The following SPIDR variants were observed in gnomAD, a reference collection of about 807,000 sequenced individuals.
SPIDR encodes the protein DNA repair-scaffolding protein.
A neutral mutation model predicts 104.6 loss-of-function variants in SPIDR; 93 were observed. That is an observed-to-expected ratio of 0.89 (90% confidence interval 0.75 to 1.06). The LOEUF is 1.06. SPIDR is among the 50% of genes least tolerant of loss of function. SPIDR has a pLI of 0.00. For synonymous variants in SPIDR, 431 were observed against 416.9 expected, an observed-to-expected ratio of 1.03 and a Z score of -0.41; for missense variants, 1,154 against 1,111.2, an observed-to-expected ratio of 1.04 and a Z score of -0.55.
chr8:47,645,745 A>G (rs1009621101), intron 10 of SPIDR, among the ~76,000 whole-genome samples: 1 of 152,200 alleles, frequency 6.6e-6, no homozygotes, highest in Non-Finnish European at 1.5e-5. Context: ...TTTCAAATCA[A>G]TAGGGAAAGA....
In SPIDR at chr8:47,735,671, G is replaced by T; in HGVS notation, c.*221G>T. The T allele has an allele frequency of 1.0e-6, 1 of 982,980 alleles. No homozygotes were observed. The highest frequency in any genetic ancestry group is 1.4e-6 in the Non-Finnish European group (1 of 692,946). The allele number at this position is 982,980 out of a possible 1,614,324, so 60.9% of individuals were successfully genotyped here. On this transcript the variant is annotated 3_prime_UTR_variant, in exon 20 of 20. Coordinates refer to ENST00000297423, the MANE Select transcript of SPIDR (RefSeq NM_001080394.4). ...TTATCTTTTATTTTCTGCAAATTTA[G>T]GAACATATTTACTCGTTTTCACATT...
intron 7 of SPIDR, among the ~76,000 whole-genome samples, chr8:47,428,645 C>A (rs914427555): frequency 6.6e-6 from 1 of 151,966 alleles, no homozygotes; most frequent in Non-Finnish European, 1.5e-5. Flanking sequence ...TTAAGAAATG[C>A]GAATAACACG....
chr8:47,354,285 G>A (rs2054101840), intron 5 of SPIDR, among the ~76,000 whole-genome samples: 1 of 151,518 alleles, frequency 6.6e-6, no homozygotes, highest in African/African-American at 2.4e-5. Context: ...TCATGTTTAT[G>A]TATTTTATTC....
At chr8:47,475,187 G>A (rs2076141526) in intron 8 of SPIDR, among the ~76,000 whole-genome samples, 1 of 152,190 alleles carries the variant, frequency 6.6e-6, no homozygotes, top group African/African-American at 2.4e-5. Flanking sequence ...GAAGATGAAT[G>A]TAGCTGAGTT....
intron 12 of SPIDR, 118 bp from the exon 13 acceptor site, chr8:47,701,603 A>G: frequency 1.0e-6 from 1 of 958,968 alleles, no homozygotes. Context: ...AGCATTCCAG[A>G]GAGAGGATGC....
intron 5 of SPIDR, among the ~76,000 whole-genome samples, chr8:47,393,986 C>T (rs1025962696): frequency 1.3e-5 from 2 of 151,910 alleles, no homozygotes; most frequent in Non-Finnish European, 2.9e-5. Flanking sequence ...CTCACTGCAA[C>T]CTCCACCTCC....
intron 7 of SPIDR, among the ~76,000 whole-genome samples, chr8:47,408,242 C>T (rs2063025804): frequency 6.6e-6 from 1 of 152,076 alleles, no homozygotes; most frequent in Non-Finnish European, 1.5e-5. Flanking sequence ...ATTAAGAGCA[C>T]TCTACCCTCT....
chr8:47,438,285 T>A (rs1336672460), intron 7 of SPIDR, among the ~76,000 whole-genome samples: 50 of 152,220 alleles, frequency 3.3e-4, no homozygotes, highest in Admixed American at 3.3e-3. Flanking sequence ...TGTGCATTGC[T>A]GGGAATGAGC....
intron 8 of SPIDR, among the ~76,000 whole-genome samples, chr8:47,561,269 C>A (rs1166767707): frequency 6.6e-6 from 1 of 152,196 alleles, no homozygotes; most frequent in East Asian, 1.9e-4. Context: ...AAAAGTATTT[C>A]TCAATTAGAG....
chr8:47,538,175 A>C (rs2087298713), intron 8 of SPIDR, among the ~76,000 whole-genome samples: 2 of 152,180 alleles, frequency 1.3e-5, no homozygotes, highest in Admixed American at 1.3e-4. Context: ...ACTCCGTCTC[A>C]AAATAAAAAT....
intron 8 of SPIDR, among the ~76,000 whole-genome samples, chr8:47,446,838 G>T (rs1038511856): frequency 6.6e-6 from 1 of 152,102 alleles, no homozygotes; most frequent in Non-Finnish European, 1.5e-5. Flanking sequence ...ACCCACTTCG[G>T]CTTCCCAAAG....
chr8:47,468,402 C>G (rs1173229642), intron 8 of SPIDR, among the ~76,000 whole-genome samples: 3 of 152,096 alleles, frequency 2.0e-5, no homozygotes, highest in Non-Finnish European at 4.4e-5. Context: ...CCAAGGCAGT[C>G]CTGAGCAAAA....
intron 16 of SPIDR, among the ~76,000 whole-genome samples, chr8:47,722,386 A>G (rs1270169072): frequency 6.6e-6 from 1 of 152,114 alleles, no homozygotes; most frequent in African/African-American, 2.4e-5. Context: ...ATTAGCTAGG[A>G]CTATCAGTAC....
intron 8 of SPIDR, among the ~76,000 whole-genome samples, chr8:47,580,372 C>T (rs889102283): frequency 6.6e-5 from 10 of 152,188 alleles, no homozygotes; most frequent in African/African-American, 1.9e-4. Context: ...AGCCCTTGCA[C>T]GTGGGAAGCT....
intron 8 of SPIDR, among the ~76,000 whole-genome samples, chr8:47,546,472 A>G (rs1348946895): frequency 6.6e-6 from 1 of 152,046 alleles, no homozygotes. Context: ...CACTCCAGAT[A>G]TTGGTAATTC....
chr8:47,392,347 T>C (rs962431872), intron 5 of SPIDR, among the ~76,000 whole-genome samples: 4 of 152,208 alleles, frequency 2.6e-5, no homozygotes, highest in African/African-American at 9.6e-5. Context: ...CAAGTGGTCT[T>C]CTCCATTTCT....
chr8:47,597,374 A>C (rs914703790), intron 9 of SPIDR, among the ~76,000 whole-genome samples: 4 of 151,154 alleles, frequency 2.6e-5, no homozygotes, highest in African/African-American at 7.3e-5. Flanking sequence ...CCTTTCCCCC[A>C]CTCCACAACA....
intron 7 of SPIDR, among the ~76,000 whole-genome samples, chr8:47,420,730 C>T (rs374217147): frequency 3.0e-4 from 45 of 152,260 alleles, no homozygotes; most frequent in African/African-American, 1.1e-3. Context: ...TACAATTTGT[C>T]ATGTTTTTGC....
intron 8 of SPIDR, among the ~76,000 whole-genome samples, chr8:47,519,653 C>T (rs1413789004): frequency 6.6e-6 from 1 of 152,036 alleles, no homozygotes; most frequent in Non-Finnish European, 1.5e-5. Flanking sequence ...GGCATGGTGG[C>T]ACAGGCCTGC....
Sources: allele counts gnomAD v4.1 joint callset (sites outside exome capture counted in the v4.1 genomes callset), GRCh38; gene constraint gnomAD v4.1.1; transcripts MANE v1.5; gene names NCBI Gene and HGNC (gene_info 2026-07-23, HGNC 2026-07-21).